The following MCF2L variants were observed in gnomAD, a reference collection of about 807,000 sequenced individuals.
MCF2L encodes the protein guanine nucleotide exchange factor DBS.
Under a neutral mutation model 153.4 loss-of-function variants are expected in MCF2L, and 97 were observed. The ratio of observed to expected loss-of-function variants is 0.63; its 90% CI spans 0.54 to 0.75. The LOEUF is 0.75. Among genes scored for constraint, MCF2L ranks in the 30% least tolerant of loss-of-function variants. The pLI is 0.00. For synonymous variants in MCF2L, 659 were observed against 632.2 expected, an observed-to-expected ratio of 1.04 and a Z score of -0.64; for missense variants, 1,347 against 1,495.2, an observed-to-expected ratio of 0.90 and a Z score of 1.64.
chr13:112,948,764 G>C (rs1296770131), intron 2 of MCF2L, among the ~76,000 whole-genome samples: 1 of 152,170 alleles, frequency 6.6e-6, no homozygotes, highest in Non-Finnish European at 1.5e-5. Context: ...TGAAATCAAT[G>C]AAATAAAACA....
intron 1 of MCF2L, chr13:112,979,329 G>A: frequency 8.1e-7 from 1 of 1,235,882 alleles, no homozygotes; most frequent in Non-Finnish European, 1.0e-6. Context: ...GCACACAGCA[G>A]GCAGGCCCAG....
intron 1 of MCF2L, among the ~76,000 whole-genome samples, chr13:112,972,361 G>A (rs1239719836): frequency 3.3e-5 from 1 of 30,628 alleles, no homozygotes; most frequent in East Asian, 5.3e-4. Flanking sequence ...GTAAGTGGGT[G>A]GATGGATGGA....
rs1337644578 is a variant in MCF2L, at chr13:113,076,069, A to C, written c.1412A>C (p.Lys471Thr). The C allele has an allele frequency of 6.2e-6, 10 of 1,614,070 alleles. No individual in the cohort carries two copies. The highest frequency in any genetic ancestry group is 1.1e-5 in the South Asian group (1 of 91,072). ...GAEAALQEIE[K>T]FLETGAENKI... ...GAGGCTGCCCTCCAGGAAATCGAGAAGTTTTTGGAGACCGGTGCGGAAAAT... is the reference window on the plus strand; with the variant it reads ...GAGGCTGCCCTCCAGGAAATCGAGACGTTTTTGGAGACCGGTGCGGAAAAT... The change falls in exon 12 of 30, where the codon AAG becomes ACG. Residue 471 changes from lysine to threonine, a missense_variant. By Grantham distance (78) the Lys-to-Thr change is moderately conservative. Coordinates refer to ENST00000535094, the MANE Select transcript of MCF2L (RefSeq NM_001112732.3).
chr13:112,926,780 G>A (rs1336778760), intron 2 of MCF2L, among the ~76,000 whole-genome samples: 13 of 152,184 alleles, frequency 8.5e-5, no homozygotes, highest in African/African-American at 2.9e-4. Context: ...TAGGAGCAGA[G>A]TGGCGGTCGC....
Position 112,902,284 on chromosome 13 carries a change from A to G in MCF2L, c.82A>G (p.Lys28Glu), listed in dbSNP as rs1439626241. ...TTCCCCACAACGGCCCAATGAGGCC[A>G]AAAAGGAGGAAACGGATCACCAAAT... The change falls in exon 2 of 30, where the codon AAA becomes GAA. Residue 28 changes from lysine (K) to glutamate (E), a missense_variant. Lys to Glu is a moderately conservative substitution (Grantham distance 56). Transcript: ENST00000375608. 7 of 1,612,824 alleles carry G rather than the reference A, an allele frequency of 4.3e-6. No homozygotes were observed. The East Asian group carries it at 1.3e-4, about 31-fold the overall frequency.
At chr13:112,905,936 G>A (rs1256820921) in intron 2 of MCF2L, among the ~76,000 whole-genome samples, 1 of 152,150 alleles carries the variant, frequency 6.6e-6, no homozygotes, top group Non-Finnish European at 1.5e-5. Context: ...TATTTATTTT[G>A]AAACCATGAT....
At chr13:112,946,151 C>T (rs1002284365) in intron 2 of MCF2L, among the ~76,000 whole-genome samples, 1 of 152,108 alleles carries the variant, frequency 6.6e-6, no homozygotes, top group Non-Finnish European at 1.5e-5. Flanking sequence ...TTCACTTTAT[C>T]ATCTTTTTAT....
rs1213529245 is a variant in MCF2L at position 113,097,004 on chromosome 13, G to A, written c.*145G>A. On this transcript the variant is annotated 3_prime_UTR_variant, in exon 30 of 30. Transcript: ENST00000535094. ...GTGCGGGCTGCAGAGGACCCCTCCG[G>A]GGCAGAGGCAGGTTCCACGGAAGAC... 2 of 481,752 alleles carry A rather than the reference G, an allele frequency of 4.2e-6. No individual in the cohort carries two copies. The highest frequency in any genetic ancestry group is 6.1e-5 in the South Asian group (1 of 16,302). 29.8% of individuals were successfully genotyped at this position (481,752 alleles called of 1,614,324 possible).
intron 20 of MCF2L, among the ~76,000 whole-genome samples, chr13:113,085,674 C>G (rs1050018737): frequency 5.4e-5 from 8 of 147,120 alleles, no homozygotes; most frequent in African/African-American, 2.0e-4. Flanking sequence ...AGGGAGCTCC[C>G]CGGGGAGCAG....
chr13:113,047,866 G>A (rs1362550395), intron 4 of MCF2L, among the ~76,000 whole-genome samples: 2 of 152,162 alleles, frequency 1.3e-5, no homozygotes, highest in Non-Finnish European at 1.5e-5. Flanking sequence ...CTCACTACGC[G>A]TGCCCCAGAG....
At position 113,097,306 on chromosome 13, in the gene MCF2L, G is replaced by A. The variant is rs755519357; in HGVS notation, c.*447G>A. ...ATTTTTTCAAGCAGGGATCAATCCCGTGGCCATTTTTTGTGGTACTTTGGC... is the reference window on the plus strand; with the variant it reads ...ATTTTTTCAAGCAGGGATCAATCCCATGGCCATTTTTTGTGGTACTTTGGC... On this transcript the variant is annotated 3_prime_UTR_variant, in exon 30 of 30. Transcript: ENST00000535094. 3 of 161,570 alleles carry A rather than the reference G, an allele frequency of 1.9e-5. No individual in the cohort carries two copies. The highest frequency in any genetic ancestry group is 2.0e-4 in the South Asian group (1 of 4,936). 10.0% of individuals were successfully genotyped at this position (161,570 alleles called of 1,614,324 possible).
Position 113,064,804 on chromosome 13 carries a change from C to T in MCF2L, c.607-132C>T. 1 of 966,778 alleles carries T rather than the reference C, an allele frequency of 1.0e-6. No individual in the cohort carries two copies. The highest frequency in any genetic ancestry group is 1.7e-5 in the South Asian group (1 of 59,760). 59.9% of individuals were successfully genotyped at this position (966,778 alleles called of 1,614,324 possible). On this transcript the variant is annotated intron_variant, in intron 6 of 29. Transcript: ENST00000535094. The surrounding 1 kb of genome is among the most constrained non-coding windows in gnomAD (Gnocchi z 6.0). The stretch of plus-strand genomic sequence containing the variant: ...GGGCAGGACGCTATGGGAGGGCGTT[C>T]ACCGTCTTTGCGTCAGCCGGTCTCA...
At chr13:112,987,431 T>C (rs1459960330) in intron 1 of MCF2L, among the ~76,000 whole-genome samples, 1 of 152,140 alleles carries the variant, frequency 6.6e-6, no homozygotes, top group African/African-American at 2.4e-5. Flanking sequence ...CACACTCCCT[T>C]CCTCAGACAA....
At position 112,969,725 on chromosome 13, in the gene MCF2L, G is replaced by A. The variant is rs1360238272; in HGVS notation, c.79+267G>A. 6.6e-6 allele frequency among the ~76,000 whole-genome samples: 1 copy of A among 152,168 alleles called. No homozygotes were observed. Among genetic ancestry groups the A allele is most frequent in the Non-Finnish European group, 1.5e-5 (1 of 68,024 alleles). Reference sequence around the variant, plus strand: ...GGTCTGCATGCGGAGCCATTTGTGTGTCTGAAGTCTGCCCATCAACCTGCC... The same window carrying A: ...GGTCTGCATGCGGAGCCATTTGTGTATCTGAAGTCTGCCCATCAACCTGCC... On this transcript the variant is annotated intron_variant, in intron 1 of 29. Coordinates refer to ENST00000535094, the MANE Select transcript of MCF2L (RefSeq NM_001112732.3). This position sits in a 1 kb window ranked among gnomAD's most constrained non-coding sequence, Gnocchi z 4.8.
intron 5 of MCF2L, among the ~76,000 whole-genome samples, chr13:113,062,315 C>T (rs1424692951): frequency 6.6e-6 from 1 of 152,158 alleles, no homozygotes; most frequent in Non-Finnish European, 1.5e-5. Flanking sequence ...GTGTGCAGCT[C>T]AGCACCCTGC....
At chr13:112,896,775 C>T (rs373076029) in intron 1 of MCF2L, among the ~76,000 whole-genome samples, 4 of 152,216 alleles carry the variant, frequency 2.6e-5, no homozygotes, top group African/African-American at 7.2e-5. Flanking sequence ...GGCAGGTGCA[C>T]GGCTCTGGGC....
upstream of MCF2L, among the ~76,000 whole-genome samples, chr13:112,967,130 C>A (rs1162852210): frequency 6.8e-6 from 1 of 147,730 alleles, no homozygotes; most frequent in African/African-American, 2.5e-5. Flanking sequence ...ATTTCAGGAC[C>A]CTTCTGCCTG....
intron 2 of MCF2L, among the ~76,000 whole-genome samples, chr13:112,916,147 G>A (rs756738052): frequency 1.8e-4 from 27 of 148,028 alleles, no homozygotes; most frequent in Non-Finnish European, 3.5e-4. Context: ...GGCGGAGGTT[G>A]CAGTGAGCTG....
chr13:113,008,535 C>T lies in MCF2L; in HGVS notation c.80-6228C>T, dbSNP rs543544309. On this transcript the variant is annotated intron_variant, in intron 1 of 29. Transcript: ENST00000535094. ...TTAAGACAGAAAAAGTTGGGTAATTCTTCATCTATTTGAAGTGATGCTCTC... is the reference window on the plus strand; with the variant it reads ...TTAAGACAGAAAAAGTTGGGTAATTTTTCATCTATTTGAAGTGATGCTCTC... Among the ~76,000 whole-genome samples, 3 of 152,316 alleles carry T rather than the reference C, an allele frequency of 2.0e-5. No individual in the cohort carries two copies. The South Asian group carries it at 6.2e-4, about 32-fold the overall frequency.
Sources: allele counts gnomAD v4.1 joint callset (sites outside exome capture counted in the v4.1 genomes callset), GRCh38; gene constraint gnomAD v4.1.1; non-coding constraint Gnocchi (gnomAD v3.1); transcripts MANE v1.5; gene names NCBI Gene and HGNC (gene_info 2026-07-23, HGNC 2026-07-21).